NBAS: variants seen among roughly 807,000 people sequenced by gnomAD.
The protein encoded by NBAS is NAG/BC035112 fusion.
A neutral mutation model predicts 302.5 loss-of-function variants in NBAS; 219 were observed. The observed-to-expected ratio is 0.72, with a 90% CI of 0.65 to 0.81. The LOEUF (loss-of-function observed/expected upper bound fraction) is 0.81. Among genes scored for constraint, NBAS ranks in the 30% least tolerant of loss-of-function variants. NBAS has a pLI of 0.00. For missense variants in NBAS, 2,932 were observed against 2,841.6 expected (o/e 1.03, Z -0.72); for synonymous variants, 1,118 against 1,021.6 (o/e 1.09, Z -1.80).
chr2:15,466,089 G>T (rs1043424706), intron 19 of NBAS, among the ~76,000 whole-genome samples: 2 of 152,100 alleles, frequency 1.3e-5, no homozygotes, highest in African/African-American at 4.8e-5. Context: ...AAATGGTAAT[G>T]ATATAGTCAT....
chr2:14,833,314 TG>T, the NBAS span, among the ~76,000 whole-genome samples: 4 of 152,018 alleles, frequency 2.6e-5, no homozygotes, highest in South Asian at 6.2e-4. Context: ...AGGGCAGGGT[TG>T]GGGGGTTCCA....
At chr2:15,258,080 C>T (rs547797396) in intron 44 of NBAS, among the ~76,000 whole-genome samples, 7 of 152,118 alleles carry the variant, frequency 4.6e-5, no homozygotes, top group South Asian at 2.1e-4. Flanking sequence ...GGACGCCGAA[C>T]GGAGGGACTG....
intron 25 of NBAS, among the ~76,000 whole-genome samples, chr2:15,408,446 A>C (rs1010562953): frequency 6.6e-6 from 1 of 152,130 alleles, no homozygotes; most frequent in Admixed American, 6.5e-5. Context: ...CTGTTTCCTA[A>C]GTATGATTAT....
chr2:15,061,735 T>C, the NBAS span, among the ~76,000 whole-genome samples: 1 of 152,294 alleles, frequency 6.6e-6, no homozygotes, highest in East Asian at 1.9e-4. Context: ...CTGTGAGTGG[T>C]GACAATCCAG....
chr2:14,809,889 G>A, the NBAS span, among the ~76,000 whole-genome samples: 184 of 152,282 alleles, frequency 1.2e-3, 1 homozygote, highest in African/African-American at 3.8e-3. Context: ...CTATTGCATC[G>A]GCGTGACCTG....
the NBAS span, among the ~76,000 whole-genome samples, chr2:14,802,806 A>T: frequency 7.4e-6 from 1 of 134,826 alleles, no homozygotes; most frequent in South Asian, 2.5e-4. Flanking sequence ...ACCAAACACC[A>T]CATATTCTCA....
At chr2:15,511,578 GC>G (rs1461086851) in intron 9 of NBAS, among the ~76,000 whole-genome samples, 7 of 152,182 alleles carry the variant, frequency 4.6e-5, no homozygotes, top group Admixed American at 6.5e-5. Flanking sequence ...CACCTGAAAT[GC>G]AGGTGGGAAC....
At chr2:15,552,937 T>A (rs1664451677) in intron 5 of NBAS, among the ~76,000 whole-genome samples, 1 of 152,074 alleles carries the variant, frequency 6.6e-6, no homozygotes, top group African/African-American at 2.4e-5. Context: ...CCCGAATAGC[T>A]GGGATTACAG....
chr2:14,857,404 A>G, the NBAS span, among the ~76,000 whole-genome samples: 2 of 152,150 alleles, frequency 1.3e-5, no homozygotes, highest in African/African-American at 2.4e-5. Flanking sequence ...GTAAAAAATC[A>G]TATTACTTGA....
chr2:15,479,357 C>A (rs1175133198), intron 12 of NBAS, among the ~76,000 whole-genome samples: 1 of 152,160 alleles, frequency 6.6e-6, no homozygotes, highest in East Asian at 1.9e-4. Context: ...AAACAGTCAA[C>A]TAAACTGAAA....
chr2:14,887,740 A>C, the NBAS span, among the ~76,000 whole-genome samples: 2 of 152,194 alleles, frequency 1.3e-5, no homozygotes, highest in Non-Finnish European at 2.9e-5. Context: ...CCGGTTCCTC[A>C]TGCCATCTTC....
At chr2:15,061,226 G>A in the NBAS span, among the ~76,000 whole-genome samples, 1 of 152,064 alleles carries the variant, frequency 6.6e-6, no homozygotes, top group Non-Finnish European at 1.5e-5. Context: ...ACATACATTC[G>A]GATGTAACTG....
the NBAS span, among the ~76,000 whole-genome samples, chr2:14,825,096 G>T: frequency 2.0e-5 from 3 of 152,254 alleles, no homozygotes; most frequent in African/African-American, 7.2e-5. Flanking sequence ...GGAAAAGATG[G>T]GTGCTTGTCG....
At chr2:15,549,298 A>G (rs1664264450) in intron 6 of NBAS, among the ~76,000 whole-genome samples, 1 of 152,154 alleles carries the variant, frequency 6.6e-6, no homozygotes, top group Non-Finnish European at 1.5e-5. Flanking sequence ...CAATTTGCCA[A>G]GGAGTATAAA....
At chr2:15,540,118 C>G (rs545967908) in intron 6 of NBAS, among the ~76,000 whole-genome samples, 2 of 152,198 alleles carry the variant, frequency 1.3e-5, no homozygotes, top group East Asian at 1.9e-4. Flanking sequence ...TCGTTTGCTT[C>G]GGTTTCATCT....
intron 28 of NBAS, among the ~76,000 whole-genome samples, chr2:15,393,396 C>T (rs2178238): frequency 0.63 from 95,012 of 151,732 alleles, 30,501 homozygotes; most frequent in Middle Eastern, 0.7. Flanking sequence ...GTAAAGAAAA[C>T]ATACAGATAG....
intron 16 of NBAS, 30 bp from the exon 17 acceptor site, chr2:15,468,563 A>T (rs1430081473): frequency 3.7e-6 from 6 of 1,611,144 alleles, no homozygotes; most frequent in Non-Finnish European, 4.2e-6. Flanking sequence ...CAGAGGAATT[A>T]CAGAATCCAT....
At chr2:15,404,672 C>G (rs1179581565) in intron 25 of NBAS, among the ~76,000 whole-genome samples, 2 of 151,964 alleles carry the variant, frequency 1.3e-5, no homozygotes, top group African/African-American at 4.8e-5. Flanking sequence ...ACAATCACAT[C>G]TGGCTAATTT....
At chr2:15,034,305 ATGGAGAGAGGGAAGG>A in the NBAS span, among the ~76,000 whole-genome samples, 1 of 126,094 alleles carries the variant, frequency 7.9e-6, no homozygotes, top group Non-Finnish European at 1.6e-5. Flanking sequence ...AGAAAGAAAG[ATGGAGAGAGGGAAGG>A]AAGGCAGGCA....
Sources: gnomAD v4.1 joint callset for allele counts (sites outside exome capture counted in the v4.1 genomes callset) on GRCh38, gnomAD v4.1.1 for gene constraint, MANE v1.5 for transcripts, NCBI Gene and HGNC (gene_info 2026-07-23, HGNC 2026-07-21) for gene names.